INPP5A: variants seen among roughly 807,000 people sequenced by gnomAD.
INPP5A encodes 43 kDa inositol polyphosphate 5-phophatase.
INPP5A carries 14 observed loss-of-function variants against 65.2 expected under a neutral mutation model. The observed-to-expected ratio is 0.21, with a 90% CI of 0.14 to 0.34. The LOEUF (loss-of-function observed/expected upper bound fraction) is 0.34. Ranked by LOEUF, INPP5A falls within the 10% of genes least tolerant of loss-of-function variation. INPP5A has a pLI of 1.00. For missense variants in INPP5A, 431 were observed against 545.6 expected (o/e 0.79, Z 2.09); for synonymous variants, 207 against 208.3 (o/e 0.99, Z 0.05).
At chr10:132,690,786 A>G (rs2803999) in intron 5 of INPP5A, among the ~76,000 whole-genome samples, 151,077 of 152,314 alleles carry the variant, frequency 0.99, 74,927 homozygotes, top group Middle Eastern at 1. Context: ...AAATAAGAAC[A>G]GGCAGGGACG....
intron 2 of INPP5A, among the ~76,000 whole-genome samples, chr10:132,629,352 C>T (rs553755838): frequency 4.5e-4 from 69 of 152,334 alleles, no homozygotes; most frequent in African/African-American, 1.3e-3. Flanking sequence ...CTTCAGGTGA[C>T]GAATGGCCCC....
chr10:132,645,832 T>C, intron 2 of INPP5A, 36 bp from the exon 3 acceptor site: 1 of 1,532,672 alleles, frequency 6.5e-7, no homozygotes, highest in East Asian at 2.3e-5. Flanking sequence ...TGTGGACGGC[T>C]CCGACGACCC....
chr10:132,706,002 A>C lies in INPP5A; in HGVS notation c.475-2311A>C, dbSNP rs1355274800. Among the ~76,000 whole-genome samples, 1 of 152,256 alleles carries C rather than the reference A, an allele frequency of 6.6e-6. No individual in the cohort carries two copies. Among genetic ancestry groups the C allele is most frequent in the Non-Finnish European group, 1.5e-5 (1 of 68,044 alleles). On this transcript the variant is annotated intron_variant, in intron 6 of 15. Transcript: ENST00000368594. The surrounding 1 kb of genome is among the most constrained non-coding windows in gnomAD (Gnocchi z 4.7). ...TTGCTCAAAGAGATAAGTGAAAGATAGGGTTCATTAAAAATGTTATTCAAC... is the reference window on the plus strand; with the variant it reads ...TTGCTCAAAGAGATAAGTGAAAGATCGGGTTCATTAAAAATGTTATTCAAC...
chr10:132,562,203 G>A (rs1425219918), intron 1 of INPP5A, among the ~76,000 whole-genome samples: 2 of 152,236 alleles, frequency 1.3e-5, no homozygotes, highest in Non-Finnish European at 2.9e-5. Flanking sequence ...CCCTCGCCCA[G>A]TTGGTGCCAG....
At chr10:132,608,660 G>A (rs2071897098) in intron 2 of INPP5A, among the ~76,000 whole-genome samples, 1 of 152,226 alleles carries the variant, frequency 6.6e-6, no homozygotes, top group Non-Finnish European at 1.5e-5. Context: ...CGTGGCCATG[G>A]GCATGACGGT....
chr10:132,561,790 CT>C (rs2071210750), intron 1 of INPP5A, among the ~76,000 whole-genome samples: 1 of 151,100 alleles, frequency 6.6e-6, no homozygotes, highest in South Asian at 2.1e-4. Context: ...ACACACCACC[CT>C]GCTGGAATCT....
At chr10:132,737,861 A>T (rs1052474719) in intron 9 of INPP5A, among the ~76,000 whole-genome samples, 2 of 152,250 alleles carry the variant, frequency 1.3e-5, no homozygotes, top group Non-Finnish European at 2.9e-5. Context: ...CATCAACTGA[A>T]AATAAAATAA....
rs1239150476 is a variant in INPP5A at position 132,706,812 on chromosome 10, A to C, written c.475-1501A>C. On this transcript the variant is annotated intron_variant, in intron 6 of 15. Coordinates refer to ENST00000368594, the MANE Select transcript of INPP5A (RefSeq NM_005539.5). The surrounding 1 kb of genome is among the most constrained non-coding windows in gnomAD (Gnocchi z 4.7). ...AGAAGGAGACGGGGCTGCAGGGGCC[A>C]CTGTGCTGGATGGGGACCAGGAGAA... Among the ~76,000 whole-genome samples the C allele has an allele frequency of 6.6e-6, 1 of 152,172 alleles. No individual in the cohort carries two copies. The highest frequency in any genetic ancestry group is 1.9e-4 in the East Asian group (1 of 5,192).
chr10:132,555,638 A>G lies in INPP5A; in HGVS notation c.75+17467A>G, dbSNP rs928752666. On this transcript the variant is annotated intron_variant, in intron 1 of 15. Transcript: ENST00000368594. The surrounding 1 kb of genome is among the most constrained non-coding windows in gnomAD (Gnocchi z 4.4). ...ACTTGGGGCTTCTATCCTATCAGGG[A>G]GAGAGTTCAAGTGTATCCTAGCGTC... is the stretch of plus-strand genomic sequence containing the variant. Among the ~76,000 whole-genome samples, 2 of 152,154 alleles carry G rather than the reference A, an allele frequency of 1.3e-5. No homozygotes were observed. Among genetic ancestry groups the G allele is most frequent in the African/African-American group, 2.4e-5 (1 of 41,430 alleles).
intron 9 of INPP5A, among the ~76,000 whole-genome samples, chr10:132,737,042 G>A (rs1846188975): frequency 6.6e-6 from 1 of 152,248 alleles, no homozygotes; most frequent in Non-Finnish European, 1.5e-5. Context: ...TGACTGTGCA[G>A]CTGTCGCTAG....
chr10:132,635,983 CAAAAAAA>C (rs202003054), intron 2 of INPP5A, among the ~76,000 whole-genome samples: 40 of 49,246 alleles, frequency 8.1e-4, no homozygotes, highest in East Asian at 4.6e-3. Context: ...ATCTCAAAGA[CAAAAAAA>C]AAAAAAAAAA....
intron 4 of INPP5A, among the ~76,000 whole-genome samples, chr10:132,689,441 T>C (rs113680264): frequency 0.01 from 1,558 of 152,310 alleles, 31 homozygotes; most frequent in African/African-American, 0.034. Context: ...TCCTATGAGA[T>C]AGGTTTGTTT....
chr10:132,771,722 GGACA>G (rs1409864841), intron 12 of INPP5A, among the ~76,000 whole-genome samples: 1 of 71,590 alleles, frequency 1.4e-5, no homozygotes, highest in Non-Finnish European at 3.4e-5. Flanking sequence ...ATGAAGAGTG[GGACA>G]GACACTCAGC....
chr10:132,763,193 G>T (rs976466067), intron 11 of INPP5A, among the ~76,000 whole-genome samples: 6 of 152,188 alleles, frequency 3.9e-5, no homozygotes, highest in African/African-American at 1.4e-4. Context: ...GATGGCAGTG[G>T]CTCCTTTCTG....
intron 8 of INPP5A, among the ~76,000 whole-genome samples, chr10:132,722,128 G>T (rs761522322): frequency 6.6e-6 from 1 of 152,072 alleles, no homozygotes; most frequent in African/African-American, 2.4e-5. Context: ...TTATACTGTC[G>T]ATGTTTTTGC....
chr10:132,719,894 G>T (rs1485565907), intron 8 of INPP5A, among the ~76,000 whole-genome samples: 5 of 151,056 alleles, frequency 3.3e-5, no homozygotes, highest in Middle Eastern at 6.9e-3. Flanking sequence ...TGTCTTCAGG[G>T]TTCTGTGGTA....
chr10:132,646,033 C>T, intron 3 of INPP5A, 65 bp downstream of exon 3: 1 of 1,038,190 alleles, frequency 9.6e-7, no homozygotes, highest in Non-Finnish European at 1.5e-6. Flanking sequence ...CGGCGGGGGT[C>T]TTTTCATGGT....
chr10:132,664,231 C>T (rs998066532), intron 4 of INPP5A, among the ~76,000 whole-genome samples: 1 of 152,232 alleles, frequency 6.6e-6, no homozygotes, highest in African/African-American at 2.4e-5. Flanking sequence ...TTGCGGGTCC[C>T]TCAGCTGTGC....
chr10:132,653,894 C>T (rs1350213214), intron 4 of INPP5A, among the ~76,000 whole-genome samples: 1 of 152,210 alleles, frequency 6.6e-6, no homozygotes, highest in Non-Finnish European at 1.5e-5. Context: ...TGGGCCGGGC[C>T]CCTCCCCTCA....
Sources: allele counts gnomAD v4.1 joint callset (sites outside exome capture counted in the v4.1 genomes callset), GRCh38; gene constraint gnomAD v4.1.1; non-coding constraint Gnocchi (gnomAD v3.1); transcripts MANE v1.5; gene names NCBI Gene and HGNC (gene_info 2026-07-23, HGNC 2026-07-21).